Variants in CEP70 observed in about 807,000 individuals in gnomAD.
The protein encoded by CEP70 is centrosomal protein 70.
A neutral mutation model predicts 90.9 loss-of-function variants in CEP70; 70 were observed. The observed-to-expected ratio is 0.77, with a 90% confidence interval of 0.64 to 0.94. CEP70 has a LOEUF of 0.94. Among genes scored for constraint, CEP70 ranks in the 40% least tolerant of loss-of-function variants. The pLI is 0.00. For synonymous variants in CEP70, 220 were observed against 228.3 expected (o/e 0.96, Z 0.33); for missense variants, 648 against 669.0 (o/e 0.97, Z 0.35).
At chr3:138,508,323 C>T in intron 12 of CEP70, 116 bp downstream of exon 12, 1 of 711,572 alleles carries the variant, frequency 1.4e-6, no homozygotes, top group Non-Finnish European at 2.5e-6. Flanking sequence ...AGAATAAGTA[C>T]ACATAAATAT....
intron 2 of CEP70, among the ~76,000 whole-genome samples, chr3:138,587,855 A>G (rs1445690953): frequency 1.3e-5 from 2 of 152,248 alleles, no homozygotes; most frequent in African/African-American, 4.8e-5. Context: ...TTATAAAGCT[A>G]TAGTAATCAA....
chr3:138,533,729 T>G (rs925148421), intron 7 of CEP70, among the ~76,000 whole-genome samples: 1 of 152,176 alleles, frequency 6.6e-6, no homozygotes, highest in African/African-American at 2.4e-5. Flanking sequence ...GCAAGCAGAT[T>G]TGTTACATTT....
In CEP70 at chr3:138,558,547, G is replaced by A. The variant is rs1258021437; in HGVS notation, c.465+11771C>T. Among the ~76,000 whole-genome samples the A allele has an allele frequency of 2.0e-5, 3 of 151,834 alleles. No individual in the cohort carries two copies. The East Asian group carries it at 5.8e-4, about 29-fold the overall frequency. On this transcript the variant is annotated intron_variant, in intron 6 of 17. Transcript: ENST00000264982. ...TAGACACAAAGGCCTAACAAAGAAG[G>A]GAAGGTCCTAGGAAACTTCTCACAC...
intron 11 of CEP70, among the ~76,000 whole-genome samples, chr3:138,513,563 G>A (rs56028542): frequency 0.071 from 10,828 of 152,186 alleles, 787 homozygotes; most frequent in East Asian, 0.38. Context: ...TTCCTCACCT[G>A]GTGCTATTCC....
chr3:138,496,097 A>T (rs2033935961), intron 17 of CEP70: 1 of 985,320 alleles, frequency 1.0e-6, no homozygotes, highest in African/African-American at 1.7e-5. Flanking sequence ...TTTTCTCATT[A>T]TCCAGATCCC....
At chr3:138,553,597 A>T (rs1312629936) in intron 6 of CEP70, among the ~76,000 whole-genome samples, 1 of 152,192 alleles carries the variant, frequency 6.6e-6, no homozygotes, top group Non-Finnish European at 1.5e-5. Flanking sequence ...AGAAAGAGGG[A>T]ATCCTCCCTA....
chr3:138,525,388 G>A (rs555161966), intron 11 of CEP70, 102 bp downstream of exon 11: 40 of 348,312 alleles, frequency 1.1e-4, no homozygotes, highest in Non-Finnish European at 1.7e-4. Context: ...ACGTTGTGCA[G>A]ATGTACCCTT....
intron 11 of CEP70, among the ~76,000 whole-genome samples, chr3:138,516,928 T>A (rs1337010381): frequency 6.6e-6 from 1 of 152,174 alleles, no homozygotes; most frequent in East Asian, 1.9e-4. Context: ...ACATAGATAA[T>A]CTTCAGAAAA....
chr3:138,511,310 C>G (rs564154074), intron 11 of CEP70, among the ~76,000 whole-genome samples: 1 of 152,356 alleles, frequency 6.6e-6, no homozygotes, highest in African/African-American at 2.4e-5. Flanking sequence ...TATGCCCAAG[C>G]CAAATTATAA....
At chr3:138,518,772 C>T (rs982976370) in intron 11 of CEP70, among the ~76,000 whole-genome samples, 18 of 152,178 alleles carry the variant, frequency 1.2e-4, no homozygotes, top group Non-Finnish European at 2.2e-4. Context: ...AAAATCAGAG[C>T]ACCTCTCCTC....
At chr3:138,528,688 A>C (rs543755771) in intron 10 of CEP70, among the ~76,000 whole-genome samples, 22 of 152,180 alleles carry the variant, frequency 1.4e-4, no homozygotes, top group Admixed American at 1.1e-3. Flanking sequence ...ATCTCTACCA[A>C]ACAAAAAATT....
chr3:138,521,799 T>A (rs994511305), intron 11 of CEP70, among the ~76,000 whole-genome samples: 1 of 152,186 alleles, frequency 6.6e-6, no homozygotes, highest in Non-Finnish European at 1.5e-5. Flanking sequence ...CAACAGCTCA[T>A]TGAGAACAAG....
intron 2 of CEP70, among the ~76,000 whole-genome samples, chr3:138,587,620 C>CAAA (rs5852917): frequency 2.2e-5 from 3 of 137,458 alleles, no homozygotes; most frequent in African/African-American, 8.2e-5. Flanking sequence ...CCCATCTCTA[C>CAAA]AAAAAAAAGA....
chr3:138,537,677 A>G (rs2038403048), intron 6 of CEP70, among the ~76,000 whole-genome samples: 1 of 152,228 alleles, frequency 6.6e-6, no homozygotes, highest in African/African-American at 2.4e-5. Flanking sequence ...AACAATAATC[A>G]GGAAAGAATC....
chr3:138,546,024 C>T (rs1350481316), intron 6 of CEP70, among the ~76,000 whole-genome samples: 1 of 152,078 alleles, frequency 6.6e-6, no homozygotes, highest in East Asian at 1.9e-4. Context: ...CTTTATTGCC[C>T]TTTAAAGCAT....
chr3:138,535,138 C>T (rs1265960178), intron 7 of CEP70, among the ~76,000 whole-genome samples: 2 of 152,208 alleles, frequency 1.3e-5, no homozygotes, highest in African/African-American at 4.8e-5. Flanking sequence ...TCTCTTAAGA[C>T]TCTTCCCAGA....
At chr3:138,575,273 T>C (rs1035835379) in intron 2 of CEP70, among the ~76,000 whole-genome samples, 1 of 152,186 alleles carries the variant, frequency 6.6e-6, no homozygotes, top group Non-Finnish European at 1.5e-5. Context: ...CGGATGGAGC[T>C]GAAAACCATG....
chr3:138,586,953 A>T (rs2042132369), intron 2 of CEP70, among the ~76,000 whole-genome samples: 1 of 152,156 alleles, frequency 6.6e-6, no homozygotes, highest in Non-Finnish European at 1.5e-5. Flanking sequence ...ATAAACATAC[A>T]CATCTGTGCA....
At chr3:138,575,112 G>T (rs747242111) in intron 2 of CEP70, among the ~76,000 whole-genome samples, 6 of 152,190 alleles carry the variant, frequency 3.9e-5, no homozygotes, top group Non-Finnish European at 7.3e-5. Flanking sequence ...TTGACGAGTT[G>T]ACAGAAGTAG....
Sources: gnomAD v4.1 joint callset for allele counts (sites outside exome capture counted in the v4.1 genomes callset) on GRCh38, gnomAD v4.1.1 for gene constraint, MANE v1.5 for transcripts, NCBI Gene and HGNC (gene_info 2026-07-23, HGNC 2026-07-21) for gene names.